The following CDC42BPA variants were observed in gnomAD, a reference collection of about 807,000 sequenced individuals.
CDC42BPA encodes the protein CDC42 binding protein kinase alpha, also known as serine/threonine-protein kinase MRCK alpha.
In CDC42BPA, 80 loss-of-function variants were observed where a neutral mutation model predicts 223.5. The ratio of observed to expected loss-of-function variants is 0.36; its 90% CI spans 0.30 to 0.43. The LOEUF is 0.43. Ranked by LOEUF, CDC42BPA falls within the 20% of genes least tolerant of loss-of-function variation. The pLI is 1.00. For missense variants in CDC42BPA, 1,743 were observed against 2,099.9 expected (o/e 0.83, Z 3.32); for synonymous variants, 694 against 718.6 (o/e 0.97, Z 0.55).
intron 3 of CDC42BPA, among the ~76,000 whole-genome samples, chr1:227,207,674 G>A (rs917540018): frequency 6.6e-6 from 1 of 150,870 alleles, no homozygotes; most frequent in Non-Finnish European, 1.5e-5. Flanking sequence ...TTTCATCTAT[G>A]TCCCTACAAA....
intron 6 of CDC42BPA, among the ~76,000 whole-genome samples, chr1:227,159,423 T>C (rs938444777): frequency 3.3e-5 from 5 of 151,814 alleles, no homozygotes; most frequent in Admixed American, 6.6e-5. Flanking sequence ...GAGGCGGAGG[T>C]TGCAGTGAGC....
rs950985717 is a variant in CDC42BPA, at chr1:227,058,902, G to C, written c.2905-6917C>G. On this transcript the variant is annotated intron_variant, in intron 21 of 36. Coordinates refer to ENST00000366766, the MANE Select transcript of CDC42BPA (RefSeq NM_001394014.1). ...AAAAAAAAAAAACAAGATTTCTCTA[G>C]AACTGATTTACATAAATTATAGTCA... is the stretch of plus-strand genomic sequence containing the variant. Among the ~76,000 whole-genome samples, 3 of 149,766 alleles carry C rather than the reference G, an allele frequency of 2.0e-5. No homozygotes were observed. The East Asian group carries it at 5.8e-4, about 29-fold the overall frequency.
intron 21 of CDC42BPA, 122 bp from the exon 22 acceptor site, chr1:227,052,107 C>T: frequency 2.1e-6 from 1 of 471,084 alleles, no homozygotes; most frequent in African/African-American, 2.0e-5. Flanking sequence ...GGATAACAAA[C>T]TTTAGTTTGA....
intron 5 of CDC42BPA, among the ~76,000 whole-genome samples, chr1:227,161,744 A>C (rs777893470): frequency 2.0e-5 from 3 of 152,154 alleles, no homozygotes; most frequent in African/African-American, 4.8e-5. Flanking sequence ...TCACACTACA[A>C]AGGCAAAGTG....
At chr1:227,012,946 T>C (rs1340735001) in intron 34 of CDC42BPA, among the ~76,000 whole-genome samples, 1 of 152,122 alleles carries the variant, frequency 6.6e-6, no homozygotes. Context: ...TGTTAGATGA[T>C]TAAATGGATG....
At chr1:227,188,267 C>A (rs1006379887) in intron 5 of CDC42BPA, among the ~76,000 whole-genome samples, 2 of 151,204 alleles carry the variant, frequency 1.3e-5, no homozygotes, top group Non-Finnish European at 3.0e-5. Context: ...TCTGTTATTA[C>A]AAGGTACTTC....
intron 2 of CDC42BPA, among the ~76,000 whole-genome samples, chr1:227,246,880 C>T (rs1681064245): frequency 6.6e-6 from 1 of 152,136 alleles, no homozygotes; most frequent in Admixed American, 6.6e-5. Context: ...AACAGAGACA[C>T]ATGACATTTC....
At chr1:227,173,177 G>A (rs1037397839) in intron 5 of CDC42BPA, among the ~76,000 whole-genome samples, 3 of 152,182 alleles carry the variant, frequency 2.0e-5, no homozygotes, top group African/African-American at 7.2e-5. Context: ...CAATTACCCT[G>A]CATTGGCTCC....
At chr1:227,245,149 G>A (rs1207145392) in intron 2 of CDC42BPA, among the ~76,000 whole-genome samples, 1 of 152,146 alleles carries the variant, frequency 6.6e-6, no homozygotes, top group Non-Finnish European at 1.5e-5. Flanking sequence ...CAGTGAACTA[G>A]GGTTGCTCAT....
chr1:227,059,310 CA>C, intron 21 of CDC42BPA: 1 of 1,378,044 alleles, frequency 7.3e-7, no homozygotes, highest in South Asian at 1.2e-5. Context: ...CAATCACAGG[CA>C]AAAGGATGAG....
intron 16 of CDC42BPA, among the ~76,000 whole-genome samples, chr1:227,084,965 AACATCAGCTGTG>A (rs1193930937): frequency 2.0e-5 from 3 of 152,138 alleles, no homozygotes; most frequent in African/African-American, 7.2e-5. Context: ...AGTAGGGGGG[AACATCAGCTGTG>A]ACATCAGCTT....
intron 34 of CDC42BPA, among the ~76,000 whole-genome samples, chr1:227,009,031 AT>A (rs1409328943): frequency 2.0e-5 from 3 of 152,152 alleles, no homozygotes; most frequent in African/African-American, 4.8e-5. Flanking sequence ...CAGGCTATAC[AT>A]TTTTTTATTG....
intron 35 of CDC42BPA, among the ~76,000 whole-genome samples, chr1:226,999,472 A>T (rs1449243216): frequency 6.6e-6 from 1 of 152,142 alleles, no homozygotes; most frequent in East Asian, 1.9e-4. Context: ...CACCGCGCCC[A>T]GCCTAGGAAT....
intron 21 of CDC42BPA, chr1:227,068,727 A>G: frequency 2.1e-6 from 2 of 965,386 alleles, no homozygotes; most frequent in Middle Eastern, 6.2e-4. Flanking sequence ...AGCAATAAAA[A>G]AATAGAAAAT....
intron 34 of CDC42BPA, among the ~76,000 whole-genome samples, chr1:227,015,711 T>C (rs1328849271): frequency 1.3e-5 from 2 of 151,716 alleles, no homozygotes; most frequent in African/African-American, 4.8e-5. Context: ...GTAGGCCAAA[T>C]ATCTGTATTG....
intron 6 of CDC42BPA, among the ~76,000 whole-genome samples, chr1:227,158,149 C>T (rs571939974): frequency 2.3e-4 from 35 of 152,054 alleles, no homozygotes; most frequent in Middle Eastern, 3.4e-3. Flanking sequence ...TTAGTATAGA[C>T]AAGCTTTCAC....
intron 5 of CDC42BPA, among the ~76,000 whole-genome samples, chr1:227,169,774 G>A (rs6426578): frequency 0.17 from 25,702 of 152,046 alleles, 2,321 homozygotes; most frequent in Non-Finnish European, 0.19. Context: ...CCCCGCTTCT[G>A]TTCACTCTTT....
chr1:227,023,772 C>T (rs1667788725), intron 31 of CDC42BPA, among the ~76,000 whole-genome samples: 1 of 152,074 alleles, frequency 6.6e-6, no homozygotes, highest in African/African-American at 2.4e-5. Context: ...AGTGATTGAG[C>T]AACTGGTTAT....
intron 1 of CDC42BPA, among the ~76,000 whole-genome samples, chr1:227,267,440 A>C (rs1184929927): frequency 6.6e-6 from 1 of 152,194 alleles, no homozygotes; most frequent in Non-Finnish European, 1.5e-5. Context: ...GCATTTAAAA[A>C]ATGTACAACC....
Sources: allele counts gnomAD v4.1 joint callset (sites outside exome capture counted in the v4.1 genomes callset), GRCh38; gene constraint gnomAD v4.1.1; transcripts MANE v1.5; gene names NCBI Gene and HGNC (gene_info 2026-07-23, HGNC 2026-07-21).